SLC9A9: variants seen among roughly 807,000 people sequenced by gnomAD.
SLC9A9 encodes the protein solute carrier family 9 member A9.
Under a neutral mutation model 77.8 loss-of-function variants are expected in SLC9A9, and 62 were observed. That is an observed-to-expected ratio of 0.80 (90% CI 0.65 to 0.98). The LOEUF (loss-of-function observed/expected upper bound fraction) is 0.98, where lower values mean the gene tolerates loss of function less well. SLC9A9 is among the 50% of genes least tolerant of loss of function. SLC9A9 has a pLI of 0.00. For missense variants in SLC9A9, 775 were observed against 774.9 expected, an observed-to-expected ratio of 1.00 and a Z score of 0.00; for synonymous variants, 320 against 283.5, an observed-to-expected ratio of 1.13 and a Z score of -1.29.
At chr3:143,391,385 AG>A (rs1270266983) in intron 12 of SLC9A9, among the ~76,000 whole-genome samples, 1 of 152,250 alleles carries the variant, frequency 6.6e-6, no homozygotes, top group East Asian at 1.9e-4. Context: ...CCTGCAGCTG[AG>A]GGTCCTGACT....
chr3:143,295,625 C>A (rs2030230299), intron 14 of SLC9A9, among the ~76,000 whole-genome samples: 1 of 152,220 alleles, frequency 6.6e-6, no homozygotes, highest in Non-Finnish European at 1.5e-5. Context: ...CACGAACCCA[C>A]AGAGGATGTC....
Position 143,363,855 on chromosome 3 carries a change from G to A in SLC9A9, c.1525-292C>T, listed in dbSNP as rs183328316. 2.6e-5 allele frequency among the ~76,000 whole-genome samples: 4 copies of A among 151,914 alleles called. No individual in the cohort carries two copies. In the East Asian group the frequency reaches 7.9e-4, roughly 30 times the overall value. ...CAATAAAAATGACATTTCTGCCATA[G>A]TGCTGTTGTGGGAATTTTACAGTTT... is the stretch of plus-strand genomic sequence containing the variant. On this transcript the variant is annotated intron_variant, in intron 13 of 15. Transcript: ENST00000316549.
chr3:143,390,678 G>C (rs1276443505), intron 12 of SLC9A9, among the ~76,000 whole-genome samples: 1 of 152,178 alleles, frequency 6.6e-6, no homozygotes, highest in African/African-American at 2.4e-5. Flanking sequence ...AAGTGCAAGG[G>C]GTCAGAGAAT....
intron 1 of SLC9A9, among the ~76,000 whole-genome samples, chr3:143,836,123 T>G (rs550008003): frequency 4.6e-5 from 7 of 152,330 alleles, no homozygotes; most frequent in African/African-American, 1.7e-4. Flanking sequence ...TATCCTAAAA[T>G]GTCCCTCTTA....
intron 9 of SLC9A9, among the ~76,000 whole-genome samples, chr3:143,546,541 G>T (rs1483501734): frequency 6.6e-6 from 1 of 152,224 alleles, no homozygotes; most frequent in Non-Finnish European, 1.5e-5. Flanking sequence ...TTGGCTGAAA[G>T]TATAATAAAT....
At chr3:143,667,784 G>T (rs1352148160) in intron 5 of SLC9A9, among the ~76,000 whole-genome samples, 1 of 152,120 alleles carries the variant, frequency 6.6e-6, no homozygotes, top group African/African-American at 2.4e-5. Flanking sequence ...CACAATGAGA[G>T]AACATCTCAT....
At chr3:143,650,701 A>C (rs1461849159) in intron 6 of SLC9A9, among the ~76,000 whole-genome samples, 2 of 152,262 alleles carry the variant, frequency 1.3e-5, no homozygotes, top group Non-Finnish European at 2.9e-5. Context: ...CTAGAATGGC[A>C]ACATCTCATT....
At chr3:143,673,665 G>T (rs1306935853) in intron 5 of SLC9A9, among the ~76,000 whole-genome samples, 2 of 151,750 alleles carry the variant, frequency 1.3e-5, no homozygotes, top group Non-Finnish European at 2.9e-5. Flanking sequence ...TATTCTATCA[G>T]AGGAACTATG....
At chr3:143,776,289 A>G (rs1182734596) in intron 4 of SLC9A9, among the ~76,000 whole-genome samples, 1 of 152,212 alleles carries the variant, frequency 6.6e-6, no homozygotes, top group Non-Finnish European at 1.5e-5. Context: ...CATTATTAAC[A>G]GTACTCTTAA....
At chr3:143,823,850 G>T (rs1231254499) in intron 2 of SLC9A9, among the ~76,000 whole-genome samples, 2 of 151,896 alleles carry the variant, frequency 1.3e-5, no homozygotes, top group African/African-American at 4.8e-5. Context: ...GGATGATTTT[G>T]GTGTGCAAAG....
At chr3:143,777,333 C>T (rs1466252661) in intron 4 of SLC9A9, among the ~76,000 whole-genome samples, 1 of 152,116 alleles carries the variant, frequency 6.6e-6, no homozygotes, top group East Asian at 1.9e-4. Context: ...TGCCTGACTC[C>T]AGTAAAATAA....
At chr3:143,597,135 A>G (rs1455304299) in intron 6 of SLC9A9, among the ~76,000 whole-genome samples, 2 of 152,242 alleles carry the variant, frequency 1.3e-5, no homozygotes, top group African/African-American at 4.8e-5. Flanking sequence ...GCGGATATCC[A>G]GGCGAGTATG....
At chr3:143,462,559 AT>A (rs1411229763) in intron 12 of SLC9A9, among the ~76,000 whole-genome samples, 5 of 152,260 alleles carry the variant, frequency 3.3e-5, no homozygotes, top group East Asian at 1.9e-4. Context: ...AAGTACCGTA[AT>A]TCTAAATTCC....
intron 8 of SLC9A9, 133 bp from the exon 9 acceptor site, chr3:143,552,583 C>A (rs2036912137): frequency 1.4e-6 from 1 of 709,758 alleles, no homozygotes. Context: ...CATGATAATG[C>A]AACCTAGGTA....
chr3:143,280,798 C>A (rs547921675), intron 14 of SLC9A9, among the ~76,000 whole-genome samples: 1 of 152,202 alleles, frequency 6.6e-6, no homozygotes, highest in South Asian at 2.1e-4. Flanking sequence ...GGTGACCTGC[C>A]TGCCTTGGCC....
intron 1 of SLC9A9, among the ~76,000 whole-genome samples, chr3:143,843,782 G>T (rs1265228997): frequency 7.2e-5 from 11 of 152,178 alleles, no homozygotes; most frequent in Non-Finnish European, 2.9e-5. Context: ...TATGAGCACT[G>T]AACAGGGGAT....
At chr3:143,322,952 T>A (rs1237131836) in intron 14 of SLC9A9, among the ~76,000 whole-genome samples, 1 of 152,076 alleles carries the variant, frequency 6.6e-6, no homozygotes, top group Non-Finnish European at 1.5e-5. Flanking sequence ...CAAAAAACCA[T>A]ACAAATGGCC....
chr3:143,629,572 C>CGTGT (rs112725310), intron 6 of SLC9A9, among the ~76,000 whole-genome samples: 19 of 146,640 alleles, frequency 1.3e-4, no homozygotes, highest in African/African-American at 3.7e-4. Context: ...CGTGTGTGTG[C>CGTGT]GTGTGTGTGT....
At chr3:143,788,180 ATAAT>A (rs955934936) in intron 4 of SLC9A9, among the ~76,000 whole-genome samples, 121 of 152,222 alleles carry the variant, frequency 7.9e-4, no homozygotes, top group African/African-American at 2.7e-3. Flanking sequence ...TGGAGGAAAA[ATAAT>A]TAATTGGATG....
Sources: gnomAD v4.1 joint callset for allele counts (sites outside exome capture counted in the v4.1 genomes callset) on GRCh38, gnomAD v4.1.1 for gene constraint, MANE v1.5 for transcripts, NCBI Gene and HGNC (gene_info 2026-07-23, HGNC 2026-07-21) for gene names.